The following URI1 variants were observed in gnomAD, a reference collection of about 807,000 sequenced individuals.
The protein encoded by URI1 is unconventional prefoldin RPB5 interactor 1.
In URI1, 39 loss-of-function variants were observed where a neutral mutation model predicts 60.2. The observed-to-expected ratio is 0.65, with a 90% confidence interval of 0.50 to 0.85. The LOEUF is 0.85. Ranked by LOEUF, URI1 falls within the 40% of genes least tolerant of loss-of-function variation. The probability of loss-of-function intolerance (pLI) is 0.00; values close to 1 mark genes in which losing one functional copy is unlikely to be tolerated. For missense variants in URI1, 691 were observed against 665.9 expected (o/e 1.04, Z -0.42); for synonymous variants, 251 against 236.8 (o/e 1.06, Z -0.55).
chr19:30,012,208 C>T, intron 9 of URI1, 77 bp from the exon 10 acceptor site: 2 of 1,470,916 alleles, frequency 1.4e-6, no homozygotes, highest in Non-Finnish European at 1.8e-6. Flanking sequence ...AGAATAGATT[C>T]AAGGAAATTT....
chr19:30,014,666 C>T (rs2056063069), intron 10 of URI1, among the ~76,000 whole-genome samples: 1 of 151,578 alleles, frequency 6.6e-6, no homozygotes, highest in Non-Finnish European at 1.5e-5. Context: ...ATTTTGTTTT[C>T]TTGCATGTAT....
rs1158441596 is a variant in URI1, at chr19:30,015,572, C to A, written c.*503C>A. The A allele has an allele frequency of 6.5e-7, 1 of 1,533,936 alleles. No homozygotes were observed. The highest frequency in any genetic ancestry group is 2.5e-5 in the East Asian group (1 of 40,780). On this transcript the variant is annotated 3_prime_UTR_variant, in exon 11 of 11. Transcript: ENST00000392271. ...AGTTGGCTATTCAAGAAACCTCGCC[C>A]CTCTGAATGTCATACTGTAATCTTT...
intron 2 of URI1, among the ~76,000 whole-genome samples, chr19:29,982,193 T>C (rs2055607286): frequency 6.6e-6 from 1 of 152,224 alleles, no homozygotes; most frequent in Non-Finnish European, 1.5e-5. Context: ...GATCTTCTAC[T>C]TTTGTATTTT....
intron 1 of URI1, among the ~76,000 whole-genome samples, chr19:29,945,232 G>T (rs1221687404): frequency 6.6e-6 from 1 of 152,214 alleles, no homozygotes; most frequent in Non-Finnish European, 1.5e-5. Flanking sequence ...CACACAGTGG[G>T]TGCCTTAGGC....
Position 30,005,427 on chromosome 19 carries a change from CAGA to C in URI1, c.438_440del (p.Glu146del). 2 of 1,600,922 alleles carry C rather than the reference CAGA, an allele frequency of 1.2e-6. No individual in the cohort carries two copies. The highest frequency in any genetic ancestry group is 1.7e-6 in the Non-Finnish European group (2 of 1,175,546). The stretch of plus-strand genomic sequence containing the variant: ...AATTTTGAATCCAGAGTTGAATTCA[CAGA>C]AGATTTGCAGAAAATGAGCGATGTG... On this transcript the variant is annotated inframe_deletion, in exon 5 of 11. Transcript: ENST00000392271.
upstream of URI1, among the ~76,000 whole-genome samples, chr19:29,940,289 T>G (rs1376005666): frequency 6.6e-6 from 1 of 152,124 alleles, no homozygotes; most frequent in Non-Finnish European, 1.5e-5. Flanking sequence ...TGGGGCTACC[T>G]GCTTTGCACT....
At chr19:30,010,913 A>G (rs920870603) in intron 8 of URI1, among the ~76,000 whole-genome samples, 181 bp from the exon 9 acceptor site, 2 of 152,200 alleles carry the variant, frequency 1.3e-5, no homozygotes, top group African/African-American at 4.8e-5. Context: ...TTTAGATGTC[A>G]TAGATCTATG....
At chr19:29,977,828 G>A (rs561104037) in intron 2 of URI1, among the ~76,000 whole-genome samples, 1 of 152,090 alleles carries the variant, frequency 6.6e-6, no homozygotes, top group African/African-American at 2.4e-5. Context: ...AAAGATTCAA[G>A]TTGAATGTTT....
At chr19:30,013,287 C>CAT (rs1323322584) in intron 10 of URI1, among the ~76,000 whole-genome samples, 2 of 152,144 alleles carry the variant, frequency 1.3e-5, no homozygotes, top group African/African-American at 2.4e-5. Context: ...AAGATACATG[C>CAT]ATATATATAA....
At chr19:29,983,739 G>A (rs2055626713) in intron 2 of URI1, among the ~76,000 whole-genome samples, 1 of 152,184 alleles carries the variant, frequency 6.6e-6, no homozygotes, top group Non-Finnish European at 1.5e-5. Context: ...ATAGGCTGCT[G>A]CCTGGTATTA....
intron 4 of URI1, among the ~76,000 whole-genome samples, chr19:29,995,212 A>T (rs190237861): frequency 6.6e-6 from 1 of 152,090 alleles, no homozygotes; most frequent in African/African-American, 2.4e-5. Context: ...TATATTTTTT[A>T]TATATAAAAT....
chr19:29,993,494 G>A (rs1411480377), intron 4 of URI1, among the ~76,000 whole-genome samples: 1 of 152,068 alleles, frequency 6.6e-6, no homozygotes, highest in Admixed American at 6.6e-5. Context: ...TGTAATGTCT[G>A]TTATCTTACA....
chr19:29,953,943 A>C (rs955080596), intron 1 of URI1, among the ~76,000 whole-genome samples: 1 of 152,188 alleles, frequency 6.6e-6, no homozygotes, highest in African/African-American at 2.4e-5. Context: ...TAATCCTTGC[A>C]AATAGTTAGA....
intron 2 of URI1, among the ~76,000 whole-genome samples, chr19:29,980,977 T>G (rs2055590496): frequency 6.6e-6 from 1 of 151,834 alleles, no homozygotes; most frequent in South Asian, 2.1e-4. Flanking sequence ...CTATTTTAAC[T>G]TCTTACTTTA....
At chr19:29,987,666 A>C (rs780862527) in intron 4 of URI1, among the ~76,000 whole-genome samples, 1 of 152,176 alleles carries the variant, frequency 6.6e-6, no homozygotes, top group African/African-American at 2.4e-5. Flanking sequence ...TTCATATTTC[A>C]GTGAAAAAAA....
chr19:29,971,550 A>G (rs1262898565), intron 2 of URI1, among the ~76,000 whole-genome samples: 1 of 151,876 alleles, frequency 6.6e-6, no homozygotes, highest in Non-Finnish European at 1.5e-5. Context: ...TTTTGGGGAT[A>G]TTTCTTACAT....
intron 1 of URI1, 28 bp from the exon 2 acceptor site, chr19:29,971,165 C>T: frequency 1.2e-6 from 2 of 1,610,790 alleles, no homozygotes; most frequent in South Asian, 2.2e-5. Context: ...TCTGTTTTTT[C>T]ATGAGTAGTT....
chr19:29,996,431 C>T (rs1320707228), intron 4 of URI1, among the ~76,000 whole-genome samples: 1 of 151,924 alleles, frequency 6.6e-6, no homozygotes, highest in African/African-American at 2.4e-5. Flanking sequence ...GTTGATTTTG[C>T]ATCCTGCAAC....
intron 6 of URI1, among the ~76,000 whole-genome samples, chr19:30,007,187 G>A (rs2055954411): frequency 6.6e-6 from 1 of 152,028 alleles, no homozygotes; most frequent in Admixed American, 6.6e-5. Context: ...GTTCTCTGGG[G>A]CTCTTGTTGA....
Sources: gnomAD v4.1 joint callset for allele counts (sites outside exome capture counted in the v4.1 genomes callset) on GRCh38, gnomAD v4.1.1 for gene constraint, MANE v1.5 for transcripts, NCBI Gene and HGNC (gene_info 2026-07-23, HGNC 2026-07-21) for gene names.